Variants in ITSN2 observed in about 807,000 individuals in gnomAD.
The protein encoded by ITSN2 is intersectin 2, also known as intersectin-2.
A neutral mutation model predicts 243.7 loss-of-function variants in ITSN2; 156 were observed. The observed-to-expected ratio is 0.64, with a 90% CI of 0.56 to 0.73. The LOEUF is 0.73. Ranked by LOEUF, ITSN2 falls within the 30% of genes least tolerant of loss-of-function variation. The pLI is 0.00. For missense variants in ITSN2, 1,801 were observed against 1,996.1 expected (o/e 0.90, Z 1.86); for synonymous variants, 703 against 699.9 (o/e 1.00, Z -0.07).
In ITSN2 at chr2:24,261,701, A is replaced by G. The variant is rs1675890338; in HGVS notation, c.2397T>C (p.Gly799=). ...KTVGEPGWLY[G]SFQGNFGWFP... is the part of the protein sequence containing the mutation. ...ACCAGCCAAAATTTCCTTGAAAACT[A>G]CCATAAAGCCAACCAGGTTCTCCTA... Residue 799 remains glycine (G), a synonymous_variant, in exon 21 of 40, where the codon GGT becomes GGC. Transcript: ENST00000355123. 6.2e-7 allele frequency: 1 copy of G among 1,613,524 alleles called. No individual in the cohort carries two copies. Among genetic ancestry groups the G allele is most frequent in the African/African-American group, 1.3e-5 (1 of 74,882 alleles).
Position 24,315,195 on chromosome 2 carries a change from C to A in ITSN2, c.61G>T (p.Glu21Ter). ...GGPNMWAITS[E>*]ERTKHDRQFD... is the part of the protein sequence containing the mutation. ...TGCCTGTCATGCTTAGTACGTTCTT[C>A]AGAGGTAATAGCCCACATGTTTGGC... Residue 21 changes from glutamate to a stop codon, truncating the protein, a stop_gained, in exon 3 of 40, where the codon GAA becomes TAA. Transcript: ENST00000355123. LOFTEE classifies it high-confidence loss of function. The A allele has an allele frequency of 6.2e-7, 1 of 1,612,206 alleles. No individual in the cohort carries two copies. The highest frequency in any genetic ancestry group is 8.5e-7 in the Non-Finnish European group (1 of 1,178,658).
chr2:24,247,572 A>G (rs1673550538), intron 27 of ITSN2, among the ~76,000 whole-genome samples: 1 of 152,218 alleles, frequency 6.6e-6, no homozygotes, highest in Non-Finnish European at 1.5e-5. Context: ...CCTCGAACTC[A>G]GCATTAGCCT....
intron 17 of ITSN2, among the ~76,000 whole-genome samples, chr2:24,278,976 T>C (rs1678407027): frequency 6.6e-6 from 1 of 152,186 alleles, no homozygotes; most frequent in Non-Finnish European, 1.5e-5. Context: ...CTTAACAGAA[T>C]GATAGATTAT....
rs539441655 is a variant in ITSN2, at chr2:24,218,978, G to A, written c.3700-965C>T. ...TCCTCCTGGAGGTTCCAGGGCCTAT[G>A]AGACCTGCCCCCTGCCAACCTCACC... On this transcript the variant is annotated intron_variant, in intron 30 of 39. Transcript: ENST00000355123. Among the ~76,000 whole-genome samples, 11 of 152,246 alleles carry A rather than the reference G, an allele frequency of 7.2e-5. No homozygotes were observed. The East Asian group carries it at 2.1e-3, about 29-fold the overall frequency.
At chr2:24,336,793 G>A (rs369102710) in intron 1 of ITSN2, among the ~76,000 whole-genome samples, 6 of 152,160 alleles carry the variant, frequency 3.9e-5, no homozygotes, top group African/African-American at 1.4e-4. Context: ...CCTGGGGAGA[G>A]ACCATTTTTA....
intron 37 of ITSN2, among the ~76,000 whole-genome samples, chr2:24,207,774 C>CA (rs1416539421): frequency 6.6e-6 from 1 of 151,052 alleles, no homozygotes; most frequent in Non-Finnish European, 1.5e-5. Context: ...GAGGCAGGGG[C>CA]AGAAGGATGG....
At chr2:24,359,026 A>G (rs1558682531) in intron 1 of ITSN2, among the ~76,000 whole-genome samples, 1 of 152,270 alleles carries the variant, frequency 6.6e-6, no homozygotes, top group Non-Finnish European at 1.5e-5. Context: ...CACGTTTTCA[A>G]AAACATAAAA....
intron 17 of ITSN2, among the ~76,000 whole-genome samples, chr2:24,280,914 T>C (rs1333659968): frequency 2.6e-5 from 4 of 152,220 alleles, no homozygotes; most frequent in Non-Finnish European, 5.9e-5. Context: ...TATTACACCC[T>C]GAGTCTTACT....
chr2:24,302,475 G>A (rs1023913578), intron 9 of ITSN2, among the ~76,000 whole-genome samples: 2 of 152,168 alleles, frequency 1.3e-5, no homozygotes, highest in African/African-American at 4.8e-5. Context: ...TGAGATTACA[G>A]GCGTGAGCCA....
chr2:24,254,307 AG>A, intron 24 of ITSN2, 59 bp downstream of exon 24: 1 of 1,048,622 alleles, frequency 9.5e-7, no homozygotes, highest in South Asian at 1.3e-5. Flanking sequence ...ATGTGAAGTC[AG>A]GTAGTTAGTC....
chr2:24,303,440 G>T (rs1447817309), intron 9 of ITSN2, among the ~76,000 whole-genome samples: 1 of 152,132 alleles, frequency 6.6e-6, no homozygotes, highest in Non-Finnish European at 1.5e-5. Context: ...TAAAGAATAG[G>T]ATATAAATAT....
chr2:24,356,033 C>G (rs1369423258), intron 1 of ITSN2, among the ~76,000 whole-genome samples: 1 of 152,052 alleles, frequency 6.6e-6, no homozygotes, highest in Non-Finnish European at 1.5e-5. Flanking sequence ...AACCCCATCT[C>G]TACTAAAAAT....
chr2:24,307,543 C>T lies in ITSN2; in HGVS notation c.793+1074G>A, dbSNP rs146142542. ...TAGATTACTACTAAATGCCTTGAATCTATCCGTGTTCCTTGACTTATCCCC... is the reference window on the plus strand; with the variant it reads ...TAGATTACTACTAAATGCCTTGAATTTATCCGTGTTCCTTGACTTATCCCC... On this transcript the variant is annotated intron_variant, in intron 8 of 39. Coordinates refer to ENST00000355123, the MANE Select transcript of ITSN2 (RefSeq NM_006277.3). 1.5e-3 allele frequency among the ~76,000 whole-genome samples: 227 copies of T among 152,336 alleles called. 1 individual carries two copies. The highest frequency in any genetic ancestry group is 5.1e-3 in the African/African-American group (214 of 41,574).
chr2:24,278,967 T>C (rs192090643), intron 17 of ITSN2, among the ~76,000 whole-genome samples: 58 of 152,322 alleles, frequency 3.8e-4, no homozygotes, highest in African/African-American at 1.4e-3. Flanking sequence ...GTTCTCAATC[T>C]TAACAGAATG....
At chr2:24,207,214 G>A (rs1017026527) in intron 37 of ITSN2, among the ~76,000 whole-genome samples, 7 of 152,138 alleles carry the variant, frequency 4.6e-5, no homozygotes, top group Non-Finnish European at 8.8e-5. Flanking sequence ...AGGAAAGAGA[G>A]CCTTGTGCTG....
intron 31 of ITSN2, 117 bp from the exon 32 acceptor site, chr2:24,216,349 G>T: frequency 1.2e-6 from 1 of 808,416 alleles, no homozygotes. Context: ...AGAACCTCTG[G>T]CACTGGGAAG....
At position 24,301,259 on chromosome 2, in the gene ITSN2, A is replaced by C; in HGVS notation, c.996-20T>G. On this transcript the variant is annotated intron_variant, in intron 10 of 39. Transcript: ENST00000355123. ...CCTCCTCTAAAAAAATCAAACAACA[A>C]AGTTAGCATCATGTAGTCTGGACAT... The C allele has an allele frequency of 6.7e-7, 1 of 1,486,280 alleles. No individual in the cohort carries two copies. Among genetic ancestry groups the C allele is most frequent in the Non-Finnish European group, 9.4e-7 (1 of 1,067,192 alleles). The allele number at this position is 1,486,280 out of a possible 1,614,324, so 92.1% of individuals were successfully genotyped here.
rs13000225 is a variant in ITSN2 at position 24,334,879 on chromosome 2, A to C, written c.-33-6764T>G. ...GAGATCGAGACCATCCTGGCTAACAAGGTGAAACCCCGTCTCTACTAAAAA... is the reference window on the plus strand; with the variant it reads ...GAGATCGAGACCATCCTGGCTAACACGGTGAAACCCCGTCTCTACTAAAAA... On this transcript the variant is annotated intron_variant, in intron 1 of 39. Coordinates refer to ENST00000355123, the MANE Select transcript of ITSN2 (RefSeq NM_006277.3). 11 of 493,754 alleles carry C rather than the reference A, an allele frequency of 2.2e-5. No homozygotes were observed. In the East Asian group the frequency reaches 2.3e-4, roughly 10 times the overall value. The allele number at this position is 493,754 out of a possible 1,614,324, so 30.6% of individuals were successfully genotyped here. A position where few individuals can be genotyped will look rare whatever the true frequency, so the allele number is the denominator to read the frequency against.
At chr2:24,315,880 C>CT (rs1334130887) in intron 2 of ITSN2, among the ~76,000 whole-genome samples, 2 of 152,172 alleles carry the variant, frequency 1.3e-5, no homozygotes, top group Non-Finnish European at 2.9e-5. Context: ...CAATTAAACC[C>CT]TTTTTTTCAT....
Sources: allele counts gnomAD v4.1 joint callset (sites outside exome capture counted in the v4.1 genomes callset), GRCh38; gene constraint gnomAD v4.1.1; transcripts MANE v1.5; gene names NCBI Gene and HGNC (gene_info 2026-07-23, HGNC 2026-07-21).